The following TMEM161B variants were observed in gnomAD, a reference collection of about 807,000 sequenced individuals.
TMEM161B encodes the protein transmembrane protein 161B.
A neutral mutation model predicts 61.8 loss-of-function variants in TMEM161B; 34 were observed. The observed-to-expected ratio is 0.55, with a 90% CI of 0.42 to 0.73. The LOEUF is 0.73. Among genes scored for constraint, TMEM161B ranks in the 30% least tolerant of loss-of-function variants. The probability of loss-of-function intolerance (pLI) is 0.00; values close to 1 mark genes in which losing one functional copy is unlikely to be tolerated. For synonymous variants in TMEM161B, 167 were observed against 192.8 expected (o/e 0.87, Z 1.11); for missense variants, 456 against 558.5 (o/e 0.82, Z 1.85).
At chr5:88,252,151 A>T (rs1395322322) in intron 1 of TMEM161B, among the ~76,000 whole-genome samples, 1 of 152,192 alleles carries the variant, frequency 6.6e-6, no homozygotes, top group Non-Finnish European at 1.5e-5. Context: ...CTAAAGACAG[A>T]AACTAAAATC....
At chr5:88,229,688 AC>A (rs900551687) in intron 2 of TMEM161B, among the ~76,000 whole-genome samples, 2 of 144,610 alleles carry the variant, frequency 1.4e-5, no homozygotes. Flanking sequence ...AGTATGCTAG[AC>A]CCCCCAATTC....
intron 1 of TMEM161B, among the ~76,000 whole-genome samples, chr5:88,257,166 G>GCCCA (rs2112755862): frequency 6.6e-6 from 1 of 152,228 alleles, no homozygotes; most frequent in African/African-American, 2.4e-5. Flanking sequence ...CTACTTGGGA[G>GCCCA]GCTGAGGCAC....
At chr5:88,188,904 CTTGT>C (rs764799628), downstream of TMEM161B, among the ~76,000 whole-genome samples, 4 of 152,168 alleles carry the variant, frequency 2.6e-5, no homozygotes, top group Non-Finnish European at 4.4e-5. Flanking sequence ...CTTCCTTCTT[CTTGT>C]TTTTCAACTT....
chr5:88,244,997 A>T (rs1368975541), intron 1 of TMEM161B, among the ~76,000 whole-genome samples: 1 of 151,788 alleles, frequency 6.6e-6, no homozygotes, highest in Non-Finnish European at 1.5e-5. Context: ...TTTTGTTCTG[A>T]AACTTTGCTC....
downstream of TMEM161B, among the ~76,000 whole-genome samples, chr5:88,186,307 T>G (rs1748355060): frequency 6.6e-6 from 1 of 152,174 alleles, no homozygotes; most frequent in Non-Finnish European, 1.5e-5. Context: ...GAAAAACTAG[T>G]CAGCCTTTAA....
At position 88,195,347 on chromosome 5, in the gene TMEM161B, T is replaced by A; in HGVS notation, c.*864A>T. On this transcript the variant is annotated 3_prime_UTR_variant, in exon 12 of 12. Coordinates refer to ENST00000296595, the MANE Select transcript of TMEM161B (RefSeq NM_153354.5). Reference sequence around the variant, plus strand: ...GATTCAATATTTTCATCTTTTATAATCTCAATATATTATATATTTAATATA... The same window carrying A: ...GATTCAATATTTTCATCTTTTATAAACTCAATATATTATATATTTAATATA... 1 of 756,446 alleles carries A rather than the reference T, an allele frequency of 1.3e-6. No homozygotes were observed. The highest frequency in any genetic ancestry group is 1.6e-6 in the Non-Finnish European group (1 of 623,602). 46.9% of individuals were successfully genotyped at this position (756,446 alleles called of 1,614,324 possible).
At chr5:88,239,899 A>ACC (rs1752445563) in intron 2 of TMEM161B, among the ~76,000 whole-genome samples, 1 of 151,988 alleles carries the variant, frequency 6.6e-6, no homozygotes, top group East Asian at 1.9e-4. Context: ...CAATAGGCCT[A>ACC]ACCAAAAGAA....
At chr5:88,186,776 T>A (rs979051720), downstream of TMEM161B, among the ~76,000 whole-genome samples, 5 of 151,298 alleles carry the variant, frequency 3.3e-5, no homozygotes, top group African/African-American at 9.7e-5. Context: ...AAAAAAAAAA[T>A]TAGCCACACG....
chr5:88,237,962 G>GA (rs1444184940), intron 2 of TMEM161B, among the ~76,000 whole-genome samples: 1 of 152,076 alleles, frequency 6.6e-6, no homozygotes, highest in Admixed American at 6.6e-5. Context: ...GTATCTGAGG[G>GA]AAACTGGGGG....
At chr5:88,266,444 T>C (rs1756386809) in intron 1 of TMEM161B, among the ~76,000 whole-genome samples, 1 of 152,228 alleles carries the variant, frequency 6.6e-6, no homozygotes, top group Admixed American at 6.5e-5. Context: ...CTAACTTTTA[T>C]TTAATCTGAA....
In TMEM161B at chr5:88,265,849, G is replaced by C. The variant is rs575717243; in HGVS notation, c.3+2872C>G. Among the ~76,000 whole-genome samples the C allele has an allele frequency of 3.9e-5, 6 of 152,276 alleles. No homozygotes were observed. The South Asian group carries it at 1.2e-3, about 32-fold the overall frequency. On this transcript the variant is annotated intron_variant, in intron 1 of 11. Transcript: ENST00000296595. ...GCCCACAAACCATTGTTCAATTACA[G>C]CAGTAAGTTACTACAGGATGATACA...
downstream of TMEM161B, among the ~76,000 whole-genome samples, chr5:88,192,126 T>G (rs926130648): frequency 2.1e-5 from 3 of 146,200 alleles, no homozygotes; most frequent in African/African-American, 7.5e-5. Context: ...ATTCTTAGAT[T>G]AGCATTCTGC....
intron 5 of TMEM161B, among the ~76,000 whole-genome samples, chr5:88,214,180 A>G (rs921959571): frequency 6.6e-6 from 1 of 152,190 alleles, no homozygotes; most frequent in Non-Finnish European, 1.5e-5. Flanking sequence ...TTAGCTTTGT[A>G]TAAAATTTGT....
chr5:88,195,058 T>C lies in TMEM161B; in HGVS notation c.*1153A>G. On this transcript the variant is annotated 3_prime_UTR_variant, in exon 12 of 12. Coordinates refer to ENST00000296595, the MANE Select transcript of TMEM161B (RefSeq NM_153354.5). Reference sequence around the variant, plus strand: ...AAGTCCTATTTAACAAAGGCATACATGATACCTGTAGACCTGATTTGAGAG... The same window carrying C: ...AAGTCCTATTTAACAAAGGCATACACGATACCTGTAGACCTGATTTGAGAG... The C allele has an allele frequency of 2.7e-6, 2 of 731,422 alleles. No homozygotes were observed. Among genetic ancestry groups the C allele is most frequent in the Non-Finnish European group, 1.7e-6 (1 of 598,048 alleles). The allele number at this position is 731,422 out of a possible 1,614,324, so 45.3% of individuals were successfully genotyped here.
At chr5:88,267,420 G>T (rs1355794557) in intron 1 of TMEM161B, among the ~76,000 whole-genome samples, 1 of 151,850 alleles carries the variant, frequency 6.6e-6, no homozygotes, top group African/African-American at 2.4e-5. Context: ...GAAGGTCTTT[G>T]TTCTACATTC....
intron 5 of TMEM161B, among the ~76,000 whole-genome samples, chr5:88,218,268 G>C (rs540603280): frequency 3.3e-5 from 5 of 152,228 alleles, no homozygotes; most frequent in African/African-American, 1.2e-4. Flanking sequence ...AAATAATTCA[G>C]ATGAGATTCG....
chr5:88,249,945 A>T (rs1027102675), intron 1 of TMEM161B, among the ~76,000 whole-genome samples: 1 of 152,120 alleles, frequency 6.6e-6, no homozygotes, highest in Non-Finnish European at 1.5e-5. Flanking sequence ...GGAACCCACA[A>T]CAAAGTTTTA....
chr5:88,254,193 A>G (rs1353491096), intron 1 of TMEM161B, among the ~76,000 whole-genome samples: 1 of 152,172 alleles, frequency 6.6e-6, no homozygotes, highest in Non-Finnish European at 1.5e-5. Flanking sequence ...GAAAGCACAT[A>G]TAGGTATGGA....
intron 9 of TMEM161B, 51 bp downstream of exon 9, chr5:88,202,911 T>C: frequency 8.5e-7 from 1 of 1,171,174 alleles, no homozygotes; most frequent in South Asian, 1.2e-5. Flanking sequence ...AAATAACATT[T>C]AGTAAAGCAG....
Sources: allele counts gnomAD v4.1 joint callset (sites outside exome capture counted in the v4.1 genomes callset), GRCh38; gene constraint gnomAD v4.1.1; transcripts MANE v1.5; gene names NCBI Gene and HGNC (gene_info 2026-07-23, HGNC 2026-07-21).